FNDC3A: variants seen among roughly 807,000 people sequenced by gnomAD.
FNDC3A encodes fibronectin type-III domain-containing protein 3A.
In FNDC3A, 32 loss-of-function variants were observed where a neutral mutation model predicts 148.9. The ratio of observed to expected loss-of-function variants is 0.21; its 90% confidence interval spans 0.16 to 0.29. The LOEUF (loss-of-function observed/expected upper bound fraction) is 0.29, where lower values mean the gene tolerates loss of function less well. FNDC3A is among the 10% of genes least tolerant of loss of function. The pLI, the probability that FNDC3A is intolerant of heterozygous loss-of-function variation, is 1.00. For missense variants in FNDC3A, 1,191 were observed against 1,452.8 expected, an observed-to-expected ratio of 0.82 and a Z score of 2.93; for synonymous variants, 472 against 473.6, an observed-to-expected ratio of 1.00 and a Z score of 0.04.
At chr13:49,067,286 A>G (rs1208114279) in intron 2 of FNDC3A, among the ~76,000 whole-genome samples, 4 of 152,190 alleles carry the variant, frequency 2.6e-5, no homozygotes, top group Admixed American at 1.3e-4. Flanking sequence ...TGATTTGTCT[A>G]TCAACTAATA....
chr13:49,090,976 A>G (rs1024332341), intron 3 of FNDC3A, among the ~76,000 whole-genome samples: 3 of 152,214 alleles, frequency 2.0e-5, no homozygotes, highest in East Asian at 3.8e-4. Context: ...CCTGGGCAAC[A>G]TAGCAAGACT....
intron 2 of FNDC3A, among the ~76,000 whole-genome samples, chr13:49,032,283 C>T (rs1340170214): frequency 2.0e-5 from 3 of 152,012 alleles, no homozygotes; most frequent in East Asian, 1.9e-4. Context: ...AATTTCACTC[C>T]TAGGTATATA....
intron 23 of FNDC3A, among the ~76,000 whole-genome samples, chr13:49,199,400 T>C (rs1012617554): frequency 1.3e-5 from 2 of 149,672 alleles, no homozygotes; most frequent in Non-Finnish European, 3.0e-5. Flanking sequence ...CGATCTCGGC[T>C]CACTGCAATC....
In FNDC3A at chr13:49,198,168, C is replaced by G. The variant is rs752514960; in HGVS notation, c.2677C>G (p.Leu893Val). Residue 893 changes from leucine to valine, a missense_variant, in exon 22 of 26, where the codon CTT becomes GTT. Physicochemically the swap from Leu to Val is conservative, Grantham distance 32. Transcript: ENST00000492622. ...GCCTTGTGATCATGGTTCGGAAATC[C>G]TTGCCTACAGCATAGACTTTGGAGA... ...EKPCDHGSEI[L>V]AYSIDFGDKQ... 5 of 1,614,116 alleles carry G rather than the reference C, an allele frequency of 3.1e-6. No homozygotes were observed. The Admixed American group carries it at 6.7e-5, about 22-fold the overall frequency.
At chr13:49,024,817 A>T (rs1439762981) in intron 2 of FNDC3A, among the ~76,000 whole-genome samples, 1 of 151,988 alleles carries the variant, frequency 6.6e-6, no homozygotes, top group Non-Finnish European at 1.5e-5. Context: ...TTCTCTAGGA[A>T]CTGAAAAATA....
chr13:49,144,162 G>A (rs1882861547), intron 7 of FNDC3A, among the ~76,000 whole-genome samples: 1 of 151,688 alleles, frequency 6.6e-6, no homozygotes, highest in East Asian at 1.9e-4. Flanking sequence ...ACACTTATGG[G>A]TATACATACA....
At chr13:49,159,023 C>T (rs902524849) in intron 8 of FNDC3A, among the ~76,000 whole-genome samples, 2 of 152,184 alleles carry the variant, frequency 1.3e-5, no homozygotes, top group African/African-American at 4.8e-5. Flanking sequence ...GTTACTGTAG[C>T]CTTGTAGTAT....
intron 3 of FNDC3A, among the ~76,000 whole-genome samples, chr13:49,094,188 G>A (rs1040184580): frequency 1.3e-5 from 2 of 151,950 alleles, no homozygotes; most frequent in Non-Finnish European, 2.9e-5. Context: ...TTCATCAATT[G>A]GTTTTAAGAT....
intron 1 of FNDC3A, among the ~76,000 whole-genome samples, chr13:48,988,977 A>G (rs1446556784): frequency 6.6e-6 from 1 of 152,230 alleles, no homozygotes; most frequent in African/African-American, 2.4e-5. Context: ...GGCTGGAGAA[A>G]GAGCCAACTA....
chr13:49,027,363 C>T (rs1450554290), intron 2 of FNDC3A, among the ~76,000 whole-genome samples: 1 of 152,162 alleles, frequency 6.6e-6, no homozygotes, highest in Non-Finnish European at 1.5e-5. Context: ...ACGCTGTCTC[C>T]TTACATTCAG....
At chr13:49,087,163 A>AC in intron 3 of FNDC3A, among the ~76,000 whole-genome samples, 1 of 152,156 alleles carries the variant, frequency 6.6e-6, no homozygotes, top group East Asian at 1.9e-4. Flanking sequence ...TCTTGGAAGT[A>AC]TAAAATCTAA....
At chr13:49,153,197 T>G (rs2137991377) in intron 8 of FNDC3A, among the ~76,000 whole-genome samples, 1 of 151,452 alleles carries the variant, frequency 6.6e-6, no homozygotes, top group African/African-American at 2.4e-5. Flanking sequence ...CCTGACTTTT[T>G]AATGATTGCC....
chr13:49,018,776 T>G (rs1232149679), intron 2 of FNDC3A, among the ~76,000 whole-genome samples: 1 of 152,224 alleles, frequency 6.6e-6, no homozygotes, highest in African/African-American at 2.4e-5. Flanking sequence ...ACAGATGGGT[T>G]TTTGGTGTGG....
chr13:49,028,809 A>C (rs1873912821), intron 2 of FNDC3A, among the ~76,000 whole-genome samples: 1 of 152,226 alleles, frequency 6.6e-6, no homozygotes, highest in Non-Finnish European at 1.5e-5. Context: ...TTCAATAGGT[A>C]GAATATTAAC....
chr13:49,030,165 A>G (rs866686204), intron 2 of FNDC3A, among the ~76,000 whole-genome samples: 2 of 152,240 alleles, frequency 1.3e-5, no homozygotes, highest in Non-Finnish European at 2.9e-5. Flanking sequence ...GTCCATGAAC[A>G]TATACAATTC....
Position 49,191,214 on chromosome 13 carries a change from C to T in FNDC3A, c.2056C>T (p.Pro686Ser). The T allele has an allele frequency of 6.2e-7, 1 of 1,607,780 alleles. No individual in the cohort carries two copies. The highest frequency in any genetic ancestry group is 2.2e-5 in the East Asian group (1 of 44,804). ...TTAATCTTTCCATCTTTTAGGACCCCCTCTGGTTGATGGTGGATCACCCAT... is the reference window on the plus strand; with the variant it reads ...TTAATCTTTCCATCTTTTAGGACCCTCTCTGGTTGATGGTGGATCACCCAT... The part of the protein sequence containing the change: ...AKEIQLRWGP[P>S]LVDGGSPISC... Residue 686 changes from proline to serine, a missense_variant, in exon 19 of 26, where the codon CCT becomes TCT. Around this residue, in one of 3 missense-constraint regions of FNDC3A, gnomAD observed 751 missense variants for 944.0 expected, o/e 0.80. Transcript: ENST00000492622.
intron 2 of FNDC3A, among the ~76,000 whole-genome samples, chr13:49,070,894 G>GTTTTT (rs930772693): frequency 3.7e-5 from 5 of 135,428 alleles, no homozygotes; most frequent in Non-Finnish European, 6.2e-5. Flanking sequence ...TTTTTTTTTT[G>GTTTTT]TTTTGTTTTT....
chr13:49,151,619 A>G (rs758001705), intron 8 of FNDC3A, among the ~76,000 whole-genome samples: 18 of 152,106 alleles, frequency 1.2e-4, no homozygotes, highest in Non-Finnish European at 2.2e-4. Context: ...GTACATGTGC[A>G]TACCGTACAG....
intron 2 of FNDC3A, among the ~76,000 whole-genome samples, chr13:49,074,877 C>T (rs1306805470): frequency 2.6e-5 from 4 of 152,056 alleles, no homozygotes; most frequent in African/African-American, 4.8e-5. Flanking sequence ...AACACATTCT[C>T]GAATATAACT....
Sources: allele counts gnomAD v4.1 joint callset (sites outside exome capture counted in the v4.1 genomes callset), GRCh38; gene constraint gnomAD v4.1.1; regional missense constraint gnomAD v4.1.1; transcripts MANE v1.5; gene names NCBI Gene and HGNC (gene_info 2026-07-23, HGNC 2026-07-21).